The following ANO10 variants were observed in gnomAD, a reference collection of about 807,000 sequenced individuals.
The protein encoded by ANO10 is anoctamin 10, also known as anoctamin-10.
In ANO10, 77 loss-of-function variants were observed where a neutral mutation model predicts 74.7. The ratio of observed to expected loss-of-function variants is 1.03; its 90% CI spans 0.86 to 1.25. ANO10 has a LOEUF of 1.25. Among genes scored for constraint, ANO10 ranks in the 50% most tolerant of loss-of-function variants. The pLI, the probability that ANO10 is intolerant of heterozygous loss-of-function variation, is 0.00. For synonymous variants in ANO10, 279 were observed against 284.9 expected, an observed-to-expected ratio of 0.98 and a Z score of 0.21; for missense variants, 721 against 778.1, an observed-to-expected ratio of 0.93 and a Z score of 0.87.
chr3:43,506,190 A>G (rs774256804), intron 11 of ANO10, among the ~76,000 whole-genome samples: 1 of 152,216 alleles, frequency 6.6e-6, no homozygotes, highest in African/African-American at 2.4e-5. Context: ...TCCTTGTCTC[A>G]GAAATGACAA....
At chr3:43,615,605 C>T (rs915145611) in intron 1 of ANO10, among the ~76,000 whole-genome samples, 1 of 151,688 alleles carries the variant, frequency 6.6e-6, no homozygotes, top group Non-Finnish European at 1.5e-5. Context: ...AAAATACACA[C>T]TTCAGTTAAA....
chr3:43,530,734 T>C (rs2078429109), intron 11 of ANO10, among the ~76,000 whole-genome samples: 1 of 152,208 alleles, frequency 6.6e-6, no homozygotes, highest in African/African-American at 2.4e-5. Flanking sequence ...AATATCTTAC[T>C]GTCTCTAATT....
At chr3:43,550,848 G>A (rs997411913) in intron 10 of ANO10, among the ~76,000 whole-genome samples, 3 of 151,776 alleles carry the variant, frequency 2.0e-5, no homozygotes, top group Non-Finnish European at 4.4e-5. Context: ...CTTCCACTTC[G>A]CAGCTCCCAT....
intron 1 of ANO10, among the ~76,000 whole-genome samples, chr3:43,640,273 G>A (rs1315356554): frequency 6.6e-6 from 1 of 152,198 alleles, no homozygotes; most frequent in East Asian, 1.9e-4. Context: ...GAGTTTACTT[G>A]AAGCTGCACC....
At chr3:43,433,375 T>C (rs927097218) in intron 11 of ANO10, among the ~76,000 whole-genome samples, 1 of 152,200 alleles carries the variant, frequency 6.6e-6, no homozygotes, top group Admixed American at 6.5e-5. Flanking sequence ...CATCTTAGTA[T>C]ACAATATTTG....
intron 1 of ANO10, among the ~76,000 whole-genome samples, chr3:43,672,171 G>A (rs1299303593): frequency 6.6e-6 from 1 of 152,150 alleles, no homozygotes; most frequent in Non-Finnish European, 1.5e-5. Context: ...TGGCACTTAT[G>A]CATGTGTGTT....
chr3:43,661,869 A>G (rs1327665591), intron 1 of ANO10, among the ~76,000 whole-genome samples: 1 of 152,246 alleles, frequency 6.6e-6, no homozygotes, highest in African/African-American at 2.4e-5. Flanking sequence ...TCCTAAATAT[A>G]TATGCAACCA....
chr3:43,625,751 G>T (rs1249843623), upstream of ANO10, among the ~76,000 whole-genome samples: 2 of 152,088 alleles, frequency 1.3e-5, no homozygotes, highest in Non-Finnish European at 2.9e-5. Flanking sequence ...AGATATGAAT[G>T]TCAAAACTTT....
chr3:43,389,411 T>C (rs1344817262), intron 12 of ANO10, among the ~76,000 whole-genome samples: 1 of 152,244 alleles, frequency 6.6e-6, no homozygotes, highest in Non-Finnish European at 1.5e-5. Context: ...ATAAATGTTT[T>C]AGGAGCTCAT....
At chr3:43,386,909 A>T (rs940169894) in intron 12 of ANO10, among the ~76,000 whole-genome samples, 6 of 152,136 alleles carry the variant, frequency 3.9e-5, no homozygotes, top group Non-Finnish European at 8.8e-5. Context: ...CACTGGGAGG[A>T]CAGAGGGCCA....
At chr3:43,588,445 A>G (rs963245005) in intron 4 of ANO10, among the ~76,000 whole-genome samples, 5 of 152,146 alleles carry the variant, frequency 3.3e-5, no homozygotes, top group Non-Finnish European at 2.9e-5. Context: ...AGATATTTTA[A>G]GCACACAAAA....
chr3:43,396,206 T>C (rs1250338998), intron 12 of ANO10, among the ~76,000 whole-genome samples: 2 of 152,216 alleles, frequency 1.3e-5, no homozygotes, highest in African/African-American at 4.8e-5. Context: ...TCACTAAGTA[T>C]GACACCAGTT....
intron 12 of ANO10, among the ~76,000 whole-genome samples, chr3:43,408,398 TA>T (rs1269732477): frequency 6.6e-6 from 1 of 152,176 alleles, no homozygotes; most frequent in Non-Finnish European, 1.5e-5. Context: ...CAAATGAAAA[TA>T]AGGACATAAG....
chr3:43,613,403 T>G (rs2082928211), intron 1 of ANO10, among the ~76,000 whole-genome samples: 1 of 152,050 alleles, frequency 6.6e-6, no homozygotes, highest in African/African-American at 2.4e-5. Context: ...GTAAAATCAG[T>G]GAAGCAAGAA....
At chr3:43,652,846 T>C (rs1195225104) in intron 1 of ANO10, 3 of 152,014 alleles carry the variant, frequency 2.0e-5, no homozygotes, top group Non-Finnish European at 4.4e-5. Flanking sequence ...AATAAAATTT[T>C]ACAATAAATA....
chr3:43,422,315 C>A (rs1232280489), intron 12 of ANO10, among the ~76,000 whole-genome samples: 1 of 152,032 alleles, frequency 6.6e-6, no homozygotes, highest in Non-Finnish European at 1.5e-5. Context: ...CGGGGTTTCA[C>A]CATGTTGGTC....
At chr3:43,469,732 A>C (rs950350493) in intron 11 of ANO10, among the ~76,000 whole-genome samples, 11 of 152,202 alleles carry the variant, frequency 7.2e-5, no homozygotes, top group African/African-American at 2.7e-4. Context: ...TCAGTGTTTA[A>C]TCTTCTTCTA....
intron 11 of ANO10, among the ~76,000 whole-genome samples, chr3:43,518,903 G>A (rs1204106424): frequency 1.3e-5 from 2 of 152,052 alleles, no homozygotes; most frequent in African/African-American, 4.8e-5. Context: ...CTGTGATCTC[G>A]CTCTGCCCCC....
Position 43,641,373 on chromosome 3 carries a change from C to T in ANO10, c.-11-35510G>A, listed in dbSNP as rs141504982. On this transcript the variant is annotated intron_variant, in intron 1 of 3. Transcript: ENST00000413397. ...TTTACAGTAGAAGAAAAATCCAATA[C>T]CTATATTCGGCAGTTGAAAGACCAA... 1.0e-3 allele frequency among the ~76,000 whole-genome samples: 159 copies of T among 152,228 alleles called. 2 individuals are homozygous for T. Among genetic ancestry groups the T allele is most frequent in the African/African-American group, 3.7e-3 (155 of 41,540 alleles).
Sources: allele counts gnomAD v4.1 joint callset (sites outside exome capture counted in the v4.1 genomes callset), GRCh38; gene constraint gnomAD v4.1.1; transcripts MANE v1.5; gene names NCBI Gene and HGNC (gene_info 2026-07-23, HGNC 2026-07-21).